The following DOCK4 variants were observed in gnomAD, a reference collection of about 807,000 sequenced individuals.
The protein encoded by DOCK4 is dedicator of cytokinesis protein 4.
In DOCK4, 97 loss-of-function variants were observed where a neutral mutation model predicts 268.1. The observed-to-expected ratio is 0.36, with a 90% CI of 0.31 to 0.43. The LOEUF (loss-of-function observed/expected upper bound fraction) is 0.43. Among genes scored for constraint, DOCK4 ranks in the 20% least tolerant of loss-of-function variants. DOCK4 has a pLI of 1.00. For missense variants in DOCK4, 2,145 were observed against 2,455.7 expected (o/e 0.87, Z 2.67); for synonymous variants, 954 against 887.2 (o/e 1.08, Z -1.34).
At chr7:111,951,454 G>C (rs576992041) in intron 8 of DOCK4, among the ~76,000 whole-genome samples, 1 of 151,956 alleles carries the variant, frequency 6.6e-6, no homozygotes, top group Non-Finnish European at 1.5e-5. Flanking sequence ...AGTCTGATTT[G>C]AGAGTCTCAC....
At chr7:112,131,894 T>C (rs184329358) in intron 1 of DOCK4, among the ~76,000 whole-genome samples, 99 of 152,138 alleles carry the variant, frequency 6.5e-4, no homozygotes, top group African/African-American at 2.1e-3. Flanking sequence ...TTAAATTCTA[T>C]CCCTAGAAAG....
At position 112,195,995 on chromosome 7, in the gene DOCK4, C is replaced by T. The variant is rs6966359; in HGVS notation, c.37+10107G>A. Among the ~76,000 whole-genome samples, 57 of 152,244 alleles carry T rather than the reference C, an allele frequency of 3.7e-4. 2 individuals carry two copies. The highest frequency in any genetic ancestry group is 1.3e-3 in the African/African-American group (54 of 41,544). On this transcript the variant is annotated intron_variant, in intron 1 of 52. Coordinates refer to ENST00000428084, the MANE Select transcript of DOCK4 (RefSeq NM_001363540.2). The stretch of plus-strand genomic sequence containing the variant: ...AAAAGCCTCCCATGTAAATGTCATG[C>T]TCTCCCCTCTTCCTCACTCTCCCGT...
At chr7:111,909,379 A>G (rs918990520) in intron 13 of DOCK4, among the ~76,000 whole-genome samples, 1 of 152,220 alleles carries the variant, frequency 6.6e-6, no homozygotes, top group East Asian at 1.9e-4. Context: ...AAACATCTCT[A>G]TAACATTCTT....
chr7:111,880,280 C>A (rs1362833241), intron 16 of DOCK4, among the ~76,000 whole-genome samples: 1 of 152,088 alleles, frequency 6.6e-6, no homozygotes, highest in Non-Finnish European at 1.5e-5. Context: ...TGGCATGACA[C>A]CTTTAAAGTG....
chr7:111,948,214 A>G (rs1795775865), intron 8 of DOCK4, among the ~76,000 whole-genome samples: 1 of 152,164 alleles, frequency 6.6e-6, no homozygotes, highest in African/African-American at 2.4e-5. Flanking sequence ...AATAGGTACT[A>G]TTATAATGAC....
chr7:111,745,028 G>T (rs718845), intron 44 of DOCK4, among the ~76,000 whole-genome samples: 53,906 of 152,036 alleles, frequency 0.35, 10,019 homozygotes, highest in South Asian at 0.54. Flanking sequence ...TTCACAGGAA[G>T]CAAATGTCTT....
chr7:111,928,586 CTTTT>C (rs200976875), intron 12 of DOCK4, among the ~76,000 whole-genome samples: 53 of 129,500 alleles, frequency 4.1e-4, no homozygotes, highest in African/African-American at 1.3e-3. Flanking sequence ...TTTTCTTTTT[CTTTT>C]TTTTTTTTTT....
At chr7:111,844,954 C>A in intron 24 of DOCK4, 57 bp from the exon 25 acceptor site, 2 of 1,551,004 alleles carry the variant, frequency 1.3e-6, no homozygotes, top group South Asian at 1.2e-5. Context: ...GCATTTCAAT[C>A]TAACAGAAAA....
intron 12 of DOCK4, among the ~76,000 whole-genome samples, chr7:111,919,778 C>T (rs1002790374): frequency 3.3e-5 from 5 of 152,186 alleles, no homozygotes; most frequent in Non-Finnish European, 7.3e-5. Context: ...CACAAAGAAA[C>T]CACAACATAT....
chr7:112,196,512 C>T (rs1413106161), intron 1 of DOCK4, among the ~76,000 whole-genome samples: 7 of 152,112 alleles, frequency 4.6e-5, no homozygotes, highest in Non-Finnish European at 7.4e-5. Flanking sequence ...CTGTCCTGCT[C>T]GTTTCTGAGA....
chr7:111,872,561 T>C lies in DOCK4; in HGVS notation c.1748A>G (p.Asp583Gly). The part of the protein sequence containing the change: ...LCSTKLTQNG[D>G]MLDLLKWRTH... ...TCTCCATTTCAAAAGATCAAGCATA[T>C]CACCTTTCAAAATAGAAAAGGAAGA... Residue 583 changes from aspartate (D) to glycine (G), a missense_variant, in exon 18 of 53, where the codon GAT (aspartate) becomes GGT (glycine). Coordinates refer to ENST00000428084, the MANE Select transcript of DOCK4 (RefSeq NM_001363540.2). 7 of 1,588,844 alleles carry C rather than the reference T, an allele frequency of 4.4e-6. No homozygotes were observed. Among genetic ancestry groups the C allele is most frequent in the Non-Finnish European group, 6.0e-6 (7 of 1,166,808 alleles).
chr7:111,774,506 T>C (rs1187902730), intron 36 of DOCK4, among the ~76,000 whole-genome samples: 1 of 151,112 alleles, frequency 6.6e-6, no homozygotes, highest in African/African-American at 2.4e-5. Context: ...AAAAATGCAA[T>C]GGGAAAAAAG....
chr7:111,880,590 C>T (rs1404813224), intron 16 of DOCK4, among the ~76,000 whole-genome samples: 1 of 152,120 alleles, frequency 6.6e-6, no homozygotes, highest in Non-Finnish European at 1.5e-5. Flanking sequence ...GTGTAAAATA[C>T]TCTTTACTTA....
At chr7:112,169,206 G>T (rs975785343) in intron 1 of DOCK4, among the ~76,000 whole-genome samples, 91 of 152,240 alleles carry the variant, frequency 6.0e-4, no homozygotes, top group Non-Finnish European at 1.3e-4. Context: ...CTTCTGCTGT[G>T]ACTGAAAGCT....
intron 26 of DOCK4, among the ~76,000 whole-genome samples, chr7:111,833,279 T>G (rs887872767): frequency 1.3e-5 from 2 of 152,158 alleles, no homozygotes; most frequent in African/African-American, 2.4e-5. Flanking sequence ...TGGTGGCTCA[T>G]GCCTGTAATC....
chr7:111,792,925 T>C (rs559905595), intron 30 of DOCK4, among the ~76,000 whole-genome samples: 1 of 152,304 alleles, frequency 6.6e-6, no homozygotes, highest in South Asian at 2.1e-4. Flanking sequence ...AAGTTTTTCA[T>C]ATCTTGGCAC....
intron 1 of DOCK4, among the ~76,000 whole-genome samples, chr7:112,184,546 A>G (rs1019297662): frequency 6.6e-6 from 1 of 151,950 alleles, no homozygotes; most frequent in African/African-American, 2.4e-5. Context: ...TTTGGAGCAA[A>G]AGGTACAAGC....
intron 1 of DOCK4, among the ~76,000 whole-genome samples, chr7:112,070,572 T>C (rs984287840): frequency 6.6e-6 from 1 of 152,108 alleles, no homozygotes; most frequent in African/African-American, 2.4e-5. Context: ...AGTAGTTGAA[T>C]ATTTAGGTTC....
intron 42 of DOCK4, among the ~76,000 whole-genome samples, chr7:111,753,923 T>C (rs746283143): frequency 6.6e-6 from 1 of 152,208 alleles, no homozygotes; most frequent in Non-Finnish European, 1.5e-5. Context: ...GTTTGAAAGG[T>C]TGTGTTTAGT....
Sources: allele counts gnomAD v4.1 joint callset (sites outside exome capture counted in the v4.1 genomes callset), GRCh38; gene constraint gnomAD v4.1.1; transcripts MANE v1.5; gene names NCBI Gene and HGNC (gene_info 2026-07-23, HGNC 2026-07-21).